The following ZNF804A variants were observed in gnomAD, a reference collection of about 807,000 sequenced individuals.
ZNF804A encodes the protein zinc finger protein 804A.
ZNF804A carries 2 observed loss-of-function variants against 16.5 expected under a neutral mutation model. The observed-to-expected ratio is 0.12, with a 90% CI of 0.05 to 0.38. The LOEUF is 0.38. ZNF804A is among the 10% of genes least tolerant of loss of function. The pLI, the probability that ZNF804A is intolerant of heterozygous loss-of-function variation, is 0.99. For missense variants in ZNF804A, 1,473 were observed against 1,390.7 expected, an observed-to-expected ratio of 1.06 and a Z score of -0.94; for synonymous variants, 534 against 489.6, an observed-to-expected ratio of 1.09 and a Z score of -1.20.
chr2:184,729,129 G>A (rs1349389775), intron 1 of ZNF804A, among the ~76,000 whole-genome samples: 3 of 151,704 alleles, frequency 2.0e-5, no homozygotes, highest in African/African-American at 4.8e-5. Flanking sequence ...ACATCACAGT[G>A]AGAACAATAT....
intron 1 of ZNF804A, among the ~76,000 whole-genome samples, chr2:184,610,107 T>A (rs1691212003): frequency 6.6e-6 from 1 of 152,116 alleles, no homozygotes; most frequent in Non-Finnish European, 1.5e-5. Flanking sequence ...AATGGATCTG[T>A]TATAAAAATC....
At chr2:184,651,083 T>C (rs1010670101) in intron 1 of ZNF804A, among the ~76,000 whole-genome samples, 2 of 152,062 alleles carry the variant, frequency 1.3e-5, no homozygotes, top group African/African-American at 4.8e-5. Context: ...ATGGTACTGG[T>C]ATGAATTCAG....
chr2:184,729,033 TAG>T (rs1026961123), intron 1 of ZNF804A, among the ~76,000 whole-genome samples: 1 of 151,850 alleles, frequency 6.6e-6, no homozygotes, highest in African/African-American at 2.4e-5. Context: ...TGCCAGAAGC[TAG>T]AGGGTTAAGG....
At chr2:184,647,632 A>T (rs2105698111) in intron 1 of ZNF804A, among the ~76,000 whole-genome samples, 1 of 152,342 alleles carries the variant, frequency 6.6e-6, no homozygotes, top group South Asian at 2.1e-4. Flanking sequence ...GATCAGGCAG[A>T]AGATAGAATG....
In ZNF804A at chr2:184,936,153, G is replaced by C; in HGVS notation, c.757G>C (p.Val253Leu). ...AGGATTTAGCAGAAAAAGTAGATTT[G>C]TCCCCAGTGCTTGTCATCTTCAACA... The part of the protein sequence containing the change: ...GKGFSRKSRF[V>L]PSACHLQQSS... The change falls in exon 4 of 4, where the codon GTC (valine) becomes CTC (leucine). Residue 253 changes from valine (V) to leucine (L), a missense_variant. Coordinates refer to ENST00000302277, the MANE Select transcript of ZNF804A (RefSeq NM_194250.2). 1 of 1,614,012 alleles carries C rather than the reference G, an allele frequency of 6.2e-7. No homozygotes were observed. The highest frequency in any genetic ancestry group is 8.5e-7 in the Non-Finnish European group (1 of 1,179,934).
intron 1 of ZNF804A, among the ~76,000 whole-genome samples, chr2:184,775,847 A>G (rs1248456110): frequency 6.6e-6 from 1 of 151,634 alleles, no homozygotes; most frequent in Non-Finnish European, 1.5e-5. Flanking sequence ...ATGTTTGGAT[A>G]TGAGGGTAAA....
chr2:184,848,617 C>G (rs934607803), intron 1 of ZNF804A, among the ~76,000 whole-genome samples: 1 of 151,900 alleles, frequency 6.6e-6, no homozygotes, highest in African/African-American at 2.4e-5. Flanking sequence ...GAATAAATAA[C>G]AAGTCCAAGT....
chr2:184,921,337 T>C (rs1175233309), intron 2 of ZNF804A, among the ~76,000 whole-genome samples: 1 of 152,180 alleles, frequency 6.6e-6, no homozygotes, highest in African/African-American at 2.4e-5. Context: ...TGAGTTTTTT[T>C]TTACCTTGGT....
chr2:184,657,783 C>A (rs763913132), intron 1 of ZNF804A, among the ~76,000 whole-genome samples: 42 of 152,042 alleles, frequency 2.8e-4, no homozygotes, highest in Non-Finnish European at 5.0e-4. Flanking sequence ...TTTTTATAAG[C>A]AATTGGACTA....
intron 3 of ZNF804A, 135 bp from the exon 4 acceptor site, chr2:184,935,648 T>C (rs1045014892): frequency 1.0e-6 from 1 of 996,228 alleles, no homozygotes; most frequent in Non-Finnish European, 1.4e-6. Context: ...ACTTACACCA[T>C]ATGAAGGCAA....
chr2:184,838,122 G>A (rs1309084275), intron 1 of ZNF804A, among the ~76,000 whole-genome samples: 2 of 152,016 alleles, frequency 1.3e-5, no homozygotes, highest in East Asian at 3.9e-4. Context: ...ATAGCAGGTT[G>A]GAGTTTAAGA....
chr2:184,907,540 C>G (rs768301761), intron 2 of ZNF804A, among the ~76,000 whole-genome samples: 3 of 152,038 alleles, frequency 2.0e-5, no homozygotes, highest in Non-Finnish European at 4.4e-5. Context: ...CATCACTTCG[C>G]CTCTGTAGCA....
At position 184,599,506 on chromosome 2, in the gene ZNF804A, A is replaced by T. The variant is rs201109378; in HGVS notation, c.111+436A>T. Among the ~76,000 whole-genome samples the T allele has an allele frequency of 2.0e-5, 3 of 152,066 alleles. No homozygotes were observed. The South Asian group carries it at 6.2e-4, about 32-fold the overall frequency. ...CTGGTCACAAGGAGGAAGTGGCGGG[A>T]TTGAGTGATGGTCTCAGAAAGAGTT... On this transcript the variant is annotated intron_variant, in intron 1 of 3. Transcript: ENST00000302277.
At chr2:184,893,709 G>A (rs1685020816) in intron 2 of ZNF804A, among the ~76,000 whole-genome samples, 1 of 152,094 alleles carries the variant, frequency 6.6e-6, no homozygotes, top group African/African-American at 2.4e-5. Context: ...TGAAAGGGTT[G>A]AATTGTTGAT....
At chr2:184,613,589 G>C (rs1691272694) in intron 1 of ZNF804A, among the ~76,000 whole-genome samples, 1 of 152,098 alleles carries the variant, frequency 6.6e-6, no homozygotes, top group South Asian at 2.1e-4. Context: ...TTAATAAAAA[G>C]AAAGAGATGG....
chr2:184,845,852 G>A (rs962496294), intron 1 of ZNF804A, among the ~76,000 whole-genome samples: 20 of 152,022 alleles, frequency 1.3e-4, no homozygotes. Flanking sequence ...TTGGGCCACG[G>A]TCAGCCTATA....
chr2:184,885,319 C>T (rs1684872087), intron 2 of ZNF804A, among the ~76,000 whole-genome samples: 1 of 152,184 alleles, frequency 6.6e-6, no homozygotes, highest in Non-Finnish European at 1.5e-5. Context: ...TAACCTTTGA[C>T]CCAACATTTT....
At chr2:184,630,090 GT>G (rs1194774071) in intron 1 of ZNF804A, among the ~76,000 whole-genome samples, 1 of 152,038 alleles carries the variant, frequency 6.6e-6, no homozygotes. Context: ...CTGCTTAGTA[GT>G]CATTTCAGTC....
chr2:184,831,670 T>G (rs1457662351), intron 1 of ZNF804A, among the ~76,000 whole-genome samples: 1 of 151,796 alleles, frequency 6.6e-6, no homozygotes, highest in East Asian at 1.9e-4. Flanking sequence ...TTAAATAGTC[T>G]CTAGTTGAAT....
Sources: gnomAD v4.1 joint callset for allele counts (sites outside exome capture counted in the v4.1 genomes callset) on GRCh38, gnomAD v4.1.1 for gene constraint, MANE v1.5 for transcripts, NCBI Gene and HGNC (gene_info 2026-07-23, HGNC 2026-07-21) for gene names.